NFAT5: variants seen among roughly 807,000 people sequenced by gnomAD.
NFAT5 encodes nuclear factor of activated T cells 5, also known as nuclear factor of activated T-cells 5.
A neutral mutation model predicts 166.5 loss-of-function variants in NFAT5; 31 were observed. The ratio of observed to expected loss-of-function variants is 0.19; its 90% confidence interval spans 0.14 to 0.25. NFAT5 has a LOEUF of 0.25. Ranked by LOEUF, NFAT5 falls within the 10% of genes least tolerant of loss-of-function variation. The probability of loss-of-function intolerance (pLI) is 1.00; values close to 1 mark genes in which losing one functional copy is unlikely to be tolerated. For synonymous variants in NFAT5, 612 were observed against 639.7 expected (o/e 0.96, Z 0.65); for missense variants, 1,449 against 1,821.8 (o/e 0.80, Z 3.72).
rs936623417 is a variant in NFAT5 at position 69,566,768 on chromosome 16, C to G, written c.73+394C>G. Among the ~76,000 whole-genome samples the G allele has an allele frequency of 6.6e-6, 1 of 152,182 alleles. No homozygotes were observed. The highest frequency in any genetic ancestry group is 1.5e-5 in the Non-Finnish European group (1 of 68,018). On this transcript the variant is annotated intron_variant, in intron 1 of 14. Coordinates refer to ENST00000349945, the MANE Select transcript of NFAT5 (RefSeq NM_138713.4). This position sits in a 1 kb window ranked among gnomAD's most constrained non-coding sequence, Gnocchi z 5.7. Reference sequence around the variant, plus strand: ...GGCCACCGCGATCGGGGCGCCGCGTCTTCTCTTACCGGGACCCTCCTCCCC... The same window carrying G: ...GGCCACCGCGATCGGGGCGCCGCGTGTTCTCTTACCGGGACCCTCCTCCCC...
At chr16:69,681,278 A>G (rs1307108823) in intron 10 of NFAT5, among the ~76,000 whole-genome samples, 1 of 152,196 alleles carries the variant, frequency 6.6e-6, no homozygotes, top group Non-Finnish European at 1.5e-5. Context: ...GGTCCATCCT[A>G]ATATTTACGG....
chr16:69,647,122 C>T lies in NFAT5; in HGVS notation c.348C>T (p.Thr116=), dbSNP rs2035469289. The T allele has an allele frequency of 3.7e-6, 6 of 1,613,708 alleles. No homozygotes were observed. Among genetic ancestry groups the T allele is most frequent in the Non-Finnish European group, 2.5e-6 (3 of 1,179,852 alleles). The part of the protein sequence containing the change: ...SSPTIYSTSV[T]DSKAMQVESC... ...CTACCATTTATTCTACCTCAGTCACCGACAGCAAGGCTATGCAAGTGGAGA... is the reference window on the plus strand; with the variant it reads ...CTACCATTTATTCTACCTCAGTCACTGACAGCAAGGCTATGCAAGTGGAGA... The change falls in exon 4 of 15, where the codon ACC becomes ACT. Residue 116 remains threonine, a synonymous_variant. Coordinates refer to ENST00000349945, the MANE Select transcript of NFAT5 (RefSeq NM_138713.4). This position sits in a 1 kb window ranked among gnomAD's most constrained non-coding sequence, Gnocchi z 4.8.
chr16:69,604,417 C>T (rs1376062129), intron 2 of NFAT5, among the ~76,000 whole-genome samples: 1 of 152,060 alleles, frequency 6.6e-6, no homozygotes, highest in African/African-American at 2.4e-5. Context: ...TATAGGTAAA[C>T]TCGGATTTGA....
chr16:69,585,155 G>A (rs1033546526), intron 2 of NFAT5, among the ~76,000 whole-genome samples: 1 of 151,772 alleles, frequency 6.6e-6, no homozygotes, highest in Non-Finnish European at 1.5e-5. Context: ...ATGCCACCAC[G>A]CCCAGCTAAT....
At chr16:69,638,828 G>T (rs543786631) in intron 3 of NFAT5, among the ~76,000 whole-genome samples, 2 of 151,624 alleles carry the variant, frequency 1.3e-5, no homozygotes, top group African/African-American at 4.8e-5. Context: ...GTATTGTAGC[G>T]TATTGAAGTG....
At chr16:69,567,466 C>G (rs1024648421) in intron 1 of NFAT5, among the ~76,000 whole-genome samples, 3 of 151,776 alleles carry the variant, frequency 2.0e-5, no homozygotes, top group African/African-American at 7.3e-5. Flanking sequence ...TTCATTTCAC[C>G]GTGTAAAAAA....
intron 2 of NFAT5, among the ~76,000 whole-genome samples, chr16:69,604,557 T>A (rs933657531): frequency 1.3e-5 from 2 of 152,186 alleles, no homozygotes; most frequent in African/African-American, 4.8e-5. Context: ...CCTCTCTTTG[T>A]GTCCATGAGT....
intron 9 of NFAT5, 115 bp from the exon 10 acceptor site, chr16:69,677,088 C>CTT: frequency 4.4e-6 from 4 of 918,264 alleles, no homozygotes; most frequent in Non-Finnish European, 6.3e-6. Flanking sequence ...AAAATGCATT[C>CTT]TTTTTTTTTT....
intron 7 of NFAT5, among the ~76,000 whole-genome samples, chr16:69,668,822 G>A (rs1425603037): frequency 6.6e-6 from 1 of 152,086 alleles, no homozygotes; most frequent in East Asian, 1.9e-4. Context: ...GGGATTACAA[G>A]CACCCACCAC....
chr16:69,672,636 G>T (rs925898062), intron 9 of NFAT5, among the ~76,000 whole-genome samples: 11 of 152,164 alleles, frequency 7.2e-5, no homozygotes, highest in Non-Finnish European at 1.0e-4. Context: ...ATGGGTGACT[G>T]TGTGGTCTAA....
rs554170577 is a variant in NFAT5, at chr16:69,665,022, C to T, written c.1370-4955C>T. Among the ~76,000 whole-genome samples, 16 of 152,156 alleles carry T rather than the reference C, an allele frequency of 1.1e-4. No homozygotes were observed. The East Asian group carries it at 2.5e-3, about 24-fold the overall frequency. ...AGCCTGGGCAACAAGAACAAAACTC[C>T]GTCTCAAATAAATAGATAAATAAGT... On this transcript the variant is annotated intron_variant, in intron 7 of 14. Transcript: ENST00000349945.
chr16:69,585,029 C>T (rs1160768727), intron 2 of NFAT5, among the ~76,000 whole-genome samples: 1 of 151,942 alleles, frequency 6.6e-6, no homozygotes, highest in East Asian at 1.9e-4. Flanking sequence ...GGTGGAGTCT[C>T]GCTCTGTCGC....
chr16:69,575,054 T>G (rs1038405506), intron 2 of NFAT5, among the ~76,000 whole-genome samples: 1 of 152,180 alleles, frequency 6.6e-6, no homozygotes, highest in Non-Finnish European at 1.5e-5. Context: ...TATCACTTCT[T>G]TTTCATTCAG....
chr16:69,644,147 T>G (rs2035334888), intron 3 of NFAT5, among the ~76,000 whole-genome samples: 1 of 151,972 alleles, frequency 6.6e-6, no homozygotes, highest in African/African-American at 2.4e-5. Context: ...TAGCCAGGCA[T>G]GGTGTTGTGT....
intron 6 of NFAT5, among the ~76,000 whole-genome samples, chr16:69,656,229 C>T (rs562680950): frequency 2.8e-5 from 4 of 144,748 alleles, no homozygotes; most frequent in South Asian, 4.4e-4. Context: ...TGCAGTGAGC[C>T]GAGATTGTGC....
intron 7 of NFAT5, among the ~76,000 whole-genome samples, chr16:69,666,264 G>A (rs2036373826): frequency 6.6e-6 from 1 of 150,834 alleles, no homozygotes; most frequent in South Asian, 2.1e-4. Context: ...GCATGGGCAA[G>A]GACTTCATGT....
At chr16:69,593,812 G>C (rs2032625441) in intron 2 of NFAT5, among the ~76,000 whole-genome samples, 1 of 152,124 alleles carries the variant, frequency 6.6e-6, no homozygotes, top group African/African-American at 2.4e-5. Context: ...AAGCTTATCA[G>C]AATTTTTAAA....
chr16:69,575,316 C>T (rs941246315), intron 2 of NFAT5, among the ~76,000 whole-genome samples: 1 of 152,006 alleles, frequency 6.6e-6, no homozygotes, highest in Non-Finnish European at 1.5e-5. Flanking sequence ...TACAGGTGCA[C>T]ACCACCATGC....
intron 2 of NFAT5, among the ~76,000 whole-genome samples, chr16:69,621,414 T>C (rs2034192519): frequency 6.6e-6 from 1 of 152,148 alleles, no homozygotes; most frequent in African/African-American, 2.4e-5. Context: ...CCATATCCCT[T>C]CTCTCTCACT....
Sources: allele counts gnomAD v4.1 joint callset (sites outside exome capture counted in the v4.1 genomes callset), GRCh38; gene constraint gnomAD v4.1.1; non-coding constraint Gnocchi (gnomAD v3.1); transcripts MANE v1.5; gene names NCBI Gene and HGNC (gene_info 2026-07-23, HGNC 2026-07-21).